The following TRIML2 variants were observed in gnomAD, a reference collection of about 807,000 sequenced individuals.
The protein encoded by TRIML2 is tripartite motif family like 2.
Under a neutral mutation model 31.2 loss-of-function variants are expected in TRIML2, and 28 were observed. The ratio of observed to expected loss-of-function variants is 0.90; its 90% CI spans 0.66 to 1.23. The LOEUF (loss-of-function observed/expected upper bound fraction) is 1.23. Ranked by LOEUF, TRIML2 falls within the 50% of genes most tolerant of loss-of-function variation. The pLI, the probability that TRIML2 is intolerant of heterozygous loss-of-function variation, is 0.00. For synonymous variants in TRIML2, 187 were observed against 197.5 expected (o/e 0.95, Z 0.45); for missense variants, 536 against 528.3 (o/e 1.01, Z -0.14).
At chr4:188,105,134 T>C (rs374542494) in intron 2 of TRIML2, 46 bp downstream of exon 2, 15 of 1,571,360 alleles carry the variant, frequency 9.5e-6, no homozygotes, top group Admixed American at 1.7e-5. Flanking sequence ...TTCATCCATA[T>C]AGGAGTTGGC....
In TRIML2 at chr4:188,101,155, C is replaced by A. The variant is rs1733768359; in HGVS notation, c.381G>T (p.Gln127His). The A allele has an allele frequency of 6.2e-7, 1 of 1,613,728 alleles. No homozygotes were observed. Among genetic ancestry groups the A allele is most frequent in the African/African-American group, 1.3e-5 (1 of 74,874 alleles). The stretch of plus-strand genomic sequence containing the variant: ...GGTTCAAGTCAGATATGCATTCCTG[C>A]TGTCTCTGGAGATTCTGCTCACACT... ...NEECEQNLQR[Q>H]QECISDLNLR... The change falls in exon 4 of 8, where the codon CAG becomes CAT. Residue 127 changes from glutamine to histidine, a missense_variant. Coordinates refer to ENST00000682553, the MANE Select transcript of TRIML2 (RefSeq NM_173553.4).
At chr4:188,100,711 A>G (rs1560952012) in intron 4 of TRIML2, among the ~76,000 whole-genome samples, 1 of 151,976 alleles carries the variant, frequency 6.6e-6, no homozygotes, top group Non-Finnish European at 1.5e-5. Context: ...ACAGAGCCAG[A>G]CTCTGTCTCA....
chr4:188,101,021 T>G, intron 4 of TRIML2, 35 bp downstream of exon 4: 1 of 1,546,322 alleles, frequency 6.5e-7, no homozygotes, highest in Non-Finnish European at 8.7e-7. Flanking sequence ...TTTTCTCATT[T>G]CTCAAATATG....
intron 3 of TRIML2, among the ~76,000 whole-genome samples, chr4:188,101,659 A>G (rs1050884146): frequency 2.0e-5 from 3 of 151,936 alleles, no homozygotes; most frequent in African/African-American, 7.3e-5. Context: ...ACGCCACTGC[A>G]CTCCAGCCTG....
chr4:188,103,760 G>GT (rs552547025), intron 3 of TRIML2, among the ~76,000 whole-genome samples: 3 of 151,866 alleles, frequency 2.0e-5, no homozygotes, highest in Non-Finnish European at 4.4e-5. Context: ...AGCAGAGCTG[G>GT]TTTTTTTTGT....
chr4:188,106,661 C>A (rs1443172667), intron 1 of TRIML2: 1 of 156,656 alleles, frequency 6.4e-6, no homozygotes, highest in Non-Finnish European at 1.4e-5. Flanking sequence ...GAGGGCTTCG[C>A]CCCGGAAGAT....
chr4:188,095,113 A>G (rs1479603985), intron 7 of TRIML2, among the ~76,000 whole-genome samples: 1 of 152,202 alleles, frequency 6.6e-6, no homozygotes, highest in Non-Finnish European at 1.5e-5. Flanking sequence ...GAGGGTTTGC[A>G]CCATTCTGTG....
At chr4:188,093,640 C>T (rs959319336) in intron 7 of TRIML2, among the ~76,000 whole-genome samples, 3 of 152,016 alleles carry the variant, frequency 2.0e-5, no homozygotes, top group Non-Finnish European at 4.4e-5. Flanking sequence ...CCAGCCTGAG[C>T]AACAGAGCGA....
In TRIML2 at chr4:188,105,503, A is replaced by G; in HGVS notation, c.-135T>C. 1 of 588,128 alleles carries G rather than the reference A, an allele frequency of 1.7e-6. No individual in the cohort carries two copies. The highest frequency in any genetic ancestry group is 2.8e-6 in the Non-Finnish European group (1 of 359,168). 36.4% of individuals were successfully genotyped at this position (588,128 alleles called of 1,614,324 possible). ...CACACACTTGGCAACTTCAGAGTCC[A>G]CGAAGATCCAAGGAAATAAGTCCAC... On this transcript the variant is annotated 5_prime_UTR_variant, in exon 2 of 8. Coordinates refer to ENST00000682553, the MANE Select transcript of TRIML2 (RefSeq NM_173553.4).
chr4:188,091,438 T>C lies in TRIML2; in HGVS notation c.1249A>G (p.Thr417Ala). ...VFSLCIPNGD[T>A]SPDSLTILQH... ...AAGATGGTGAGGGAGTCTGGACTTGTGTCTCCATTTGGGATACAGAGGGAA... is the reference window on the plus strand; with the variant it reads ...AAGATGGTGAGGGAGTCTGGACTTGCGTCTCCATTTGGGATACAGAGGGAA... Residue 417 changes from threonine (T) to alanine (A), a missense_variant, in exon 8 of 8, where the codon ACA becomes GCA. Thr to Ala is a moderately conservative substitution (Grantham distance 58, BLOSUM62 0). Coordinates refer to ENST00000682553, the MANE Select transcript of TRIML2 (RefSeq NM_173553.4). 1 of 1,614,208 alleles carries C rather than the reference T, an allele frequency of 6.2e-7. No individual in the cohort carries two copies. The highest frequency in any genetic ancestry group is 2.2e-5 in the East Asian group (1 of 44,882).
chr4:188,094,103 C>A (rs28847152), intron 7 of TRIML2, among the ~76,000 whole-genome samples: 18,597 of 143,088 alleles, frequency 0.13, 2,081 homozygotes, highest in East Asian at 0.56. Context: ...AAAACAAAAA[C>A]AAAAACAAAA....
intron 3 of TRIML2, among the ~76,000 whole-genome samples, chr4:188,104,465 C>T (rs1299222998): frequency 3.9e-5 from 6 of 151,924 alleles, no homozygotes; most frequent in Admixed American, 2.0e-4. Context: ...CCAGTTCAAG[C>T]GATTCTCCTG....
chr4:188,093,833 G>A (rs552258725), intron 7 of TRIML2, among the ~76,000 whole-genome samples: 2 of 152,082 alleles, frequency 1.3e-5, no homozygotes, highest in Middle Eastern at 3.4e-3. Context: ...GGCCAGGTGC[G>A]GTGGCTCACG....
chr4:188,102,254 G>C (rs1230198404), intron 3 of TRIML2, among the ~76,000 whole-genome samples: 1 of 152,070 alleles, frequency 6.6e-6, no homozygotes, highest in Non-Finnish European at 1.5e-5. Flanking sequence ...CTGATGCTTG[G>C]GTAAGAGTTG....
rs375869050 is a variant in TRIML2, at chr4:188,091,558, C to T, written c.1129G>A (p.Glu377Lys). Residue 377 changes from glutamate to lysine, a missense_variant, in exon 8 of 8, where the codon GAA becomes AAA. Transcript: ENST00000682553. Reference sequence around the variant, plus strand: ...TTGTAGAATGATATCTGCCCGTGTTCGCAGTCAAGGAAAACGCCAACTGTG... The same window carrying T: ...TTGTAGAATGATATCTGCCCGTGTTTGCAGTCAAGGAAAACGCCAACTGTG... ...LDTVGVFLDC[E>K]HGQISFYNVT... 45 of 1,613,990 alleles carry T rather than the reference C, an allele frequency of 2.8e-5. No individual in the cohort carries two copies. In the African/African-American group the frequency reaches 3.7e-4, roughly 13 times the overall value.
intron 7 of TRIML2, 105 bp from the exon 8 acceptor site, chr4:188,092,046 C>T (rs1733287526): frequency 3.3e-6 from 4 of 1,223,264 alleles, no homozygotes; most frequent in Admixed American, 4.8e-5. Flanking sequence ...GCACAAGTCC[C>T]AGGCCCAGAT....
intron 7 of TRIML2, among the ~76,000 whole-genome samples, chr4:188,094,155 G>A (rs1196196949): frequency 2.6e-5 from 4 of 151,690 alleles, no homozygotes; most frequent in Non-Finnish European, 5.9e-5. Flanking sequence ...AACAAAAAGC[G>A]CTATAGCTGT....
chr4:188,101,463 A>G (rs1367184313), intron 3 of TRIML2, among the ~76,000 whole-genome samples: 3 of 151,952 alleles, frequency 2.0e-5, no homozygotes, highest in Non-Finnish European at 4.4e-5. Flanking sequence ...TGGGAGGCCA[A>G]AGTGGGTGGA....
intron 5 of TRIML2, 112 bp downstream of exon 5, chr4:188,098,923 G>T: frequency 1.6e-6 from 2 of 1,223,800 alleles, no homozygotes; most frequent in South Asian, 3.1e-5. Flanking sequence ...CTTCTTTTGT[G>T]GTTGAAGATC....
Sources: allele counts gnomAD v4.1 joint callset (sites outside exome capture counted in the v4.1 genomes callset), GRCh38; gene constraint gnomAD v4.1.1; transcripts MANE v1.5; gene names NCBI Gene and HGNC (gene_info 2026-07-23, HGNC 2026-07-21).